The following PTAFR variants were observed in gnomAD, a reference collection of about 807,000 sequenced individuals.
PTAFR encodes the protein platelet-activating factor receptor.
PTAFR carries 8 observed loss-of-function variants against 14.7 expected under a neutral mutation model. That is an observed-to-expected ratio of 0.54 (90% CI 0.32 to 0.98). PTAFR has a LOEUF of 0.98. Ranked by LOEUF, PTAFR falls within the 50% of genes least tolerant of loss-of-function variation. The pLI, the probability that PTAFR is intolerant of heterozygous loss-of-function variation, is 0.04. For synonymous variants in PTAFR, 156 were observed against 176.5 expected (o/e 0.88, Z 0.92); for missense variants, 337 against 451.2 (o/e 0.75, Z 2.29).
At chr1:28,167,333 A>G (rs2148999354) in intron 1 of PTAFR, among the ~76,000 whole-genome samples, 1 of 152,334 alleles carries the variant, frequency 6.6e-6, no homozygotes, top group East Asian at 1.9e-4. Context: ...ACGATATACC[A>G]ATGACCATAA....
chr1:28,159,108 T>C (rs1646297464), intron 1 of PTAFR, among the ~76,000 whole-genome samples: 1 of 152,140 alleles, frequency 6.6e-6, no homozygotes, highest in Admixed American at 6.5e-5. Flanking sequence ...GTGGTGTCTG[T>C]CTTCATGGAG....
intron 1 of PTAFR, among the ~76,000 whole-genome samples, chr1:28,154,455 C>T (rs1286102721): frequency 2.0e-5 from 3 of 152,126 alleles, no homozygotes; most frequent in Admixed American, 6.5e-5. Context: ...AGAGAACTTA[C>T]ATCTCTCGGG....
chr1:28,167,642 T>C (rs987297893), intron 1 of PTAFR, among the ~76,000 whole-genome samples: 1 of 129,050 alleles, frequency 7.7e-6, no homozygotes, highest in Non-Finnish European at 1.6e-5. Context: ...GATTTTTTTT[T>C]TTTTTTTTTT....
At chr1:28,174,429 T>G (rs942948525) in intron 1 of PTAFR, among the ~76,000 whole-genome samples, 11 of 151,940 alleles carry the variant, frequency 7.2e-5, no homozygotes, top group African/African-American at 2.4e-4. Flanking sequence ...GACAATAAGA[T>G]CCCAGCCTCT....
At chr1:28,153,330 C>T (rs561910547) in intron 1 of PTAFR, among the ~76,000 whole-genome samples, 1 of 152,190 alleles carries the variant, frequency 6.6e-6, no homozygotes, top group African/African-American at 2.4e-5. Flanking sequence ...TAGGAGCTGC[C>T]CTGTTATTTA....
intron 1 of PTAFR, among the ~76,000 whole-genome samples, chr1:28,153,034 C>A (rs1484724017): frequency 6.6e-6 from 1 of 152,244 alleles, no homozygotes; most frequent in South Asian, 2.1e-4. Flanking sequence ...GTGGCTCATG[C>A]CTGTAATCCC....
intron 1 of PTAFR, among the ~76,000 whole-genome samples, chr1:28,173,662 A>G (rs1179647246): frequency 6.7e-6 from 1 of 149,984 alleles, no homozygotes; most frequent in Non-Finnish European, 1.5e-5. Flanking sequence ...AAAGAAAAAA[A>G]AAAAGAGGAG....
At chr1:28,184,082 GTTTTT>G (rs1165813776) in intron 1 of PTAFR, among the ~76,000 whole-genome samples, 1 of 82,408 alleles carries the variant, frequency 1.2e-5, no homozygotes, top group Non-Finnish European at 2.3e-5. Flanking sequence ...CCATTAGTCT[GTTTTT>G]TTTTTTTTTT....
At chr1:28,174,536 A>G (rs1047473368) in intron 1 of PTAFR, among the ~76,000 whole-genome samples, 1 of 152,144 alleles carries the variant, frequency 6.6e-6, no homozygotes, top group Non-Finnish European at 1.5e-5. Context: ...TACTCCTTCA[A>G]TGACCAGATG....
At chr1:28,190,075 C>G (rs934372085) in intron 1 of PTAFR, among the ~76,000 whole-genome samples, 1 of 152,042 alleles carries the variant, frequency 6.6e-6, no homozygotes, top group Admixed American at 6.5e-5. Flanking sequence ...CAGGTTCAAG[C>G]GATTCTCCTG....
intron 1 of PTAFR, among the ~76,000 whole-genome samples, chr1:28,164,448 TC>T (rs1327364198): frequency 1.3e-5 from 2 of 152,092 alleles, no homozygotes; most frequent in African/African-American, 4.8e-5. Context: ...CTCTCTTGGA[TC>T]CAAGTACTCC....
At chr1:28,171,059 A>T (rs1400541258) in intron 1 of PTAFR, among the ~76,000 whole-genome samples, 5 of 152,086 alleles carry the variant, frequency 3.3e-5, no homozygotes, top group Non-Finnish European at 5.9e-5. Context: ...GGGGTGGCTC[A>T]CACCTGTAAT....
At chr1:28,179,732 G>A (rs950576110), upstream of PTAFR, among the ~76,000 whole-genome samples, 1 of 152,058 alleles carries the variant, frequency 6.6e-6, no homozygotes, top group African/African-American at 2.4e-5. Flanking sequence ...CCAGTGGCTT[G>A]GGAGGTTGAG....
intron 1 of PTAFR, among the ~76,000 whole-genome samples, chr1:28,186,561 T>C (rs1646608432): frequency 6.6e-6 from 1 of 152,148 alleles, no homozygotes; most frequent in Non-Finnish European, 1.5e-5. Flanking sequence ...GGCATATATA[T>C]GAACAACAAG....
intron 1 of PTAFR, among the ~76,000 whole-genome samples, chr1:28,185,165 T>C (rs565893025): frequency 2.6e-5 from 4 of 152,332 alleles, no homozygotes; most frequent in South Asian, 4.1e-4. Context: ...TTTATTTACT[T>C]TGCTCATTAT....
At chr1:28,172,160 C>T (rs553784139) in intron 1 of PTAFR, among the ~76,000 whole-genome samples, 2 of 152,266 alleles carry the variant, frequency 1.3e-5, no homozygotes, top group South Asian at 2.1e-4. Flanking sequence ...GGATTACAAG[C>T]GCATGCCACC....
chr1:28,162,716 C>G (rs903365808), intron 1 of PTAFR, among the ~76,000 whole-genome samples: 1 of 150,972 alleles, frequency 6.6e-6, no homozygotes, highest in African/African-American at 2.4e-5. Context: ...ATCCCAGCTA[C>G]TCTGGAGGCT....
intron 1 of PTAFR, among the ~76,000 whole-genome samples, chr1:28,171,717 G>A (rs1332548954): frequency 6.6e-6 from 1 of 152,064 alleles, no homozygotes; most frequent in Non-Finnish European, 1.5e-5. Context: ...AGGATGATCT[G>A]GGTACCAGTC....
intron 1 of PTAFR, among the ~76,000 whole-genome samples, chr1:28,186,839 C>T (rs1258702914): frequency 6.6e-6 from 1 of 152,146 alleles, no homozygotes; most frequent in Non-Finnish European, 1.5e-5. Context: ...GCAGTAGGAT[C>T]GCCTGAACCC....
Sources: allele counts gnomAD v4.1 joint callset (sites outside exome capture counted in the v4.1 genomes callset), GRCh38; gene constraint gnomAD v4.1.1; transcripts MANE v1.5; gene names NCBI Gene and HGNC (gene_info 2026-07-23, HGNC 2026-07-21).